FUT9: variants seen among roughly 807,000 people sequenced by gnomAD.
FUT9 encodes 4-galactosyl-N-acetylglucosaminide 3-alpha-L-fucosyltransferase 9.
Under a neutral mutation model 29.7 loss-of-function variants are expected in FUT9, and 15 were observed. The ratio of observed to expected loss-of-function variants is 0.51; its 90% CI spans 0.34 to 0.78. FUT9 has a LOEUF of 0.78. Among genes scored for constraint, FUT9 ranks in the 30% least tolerant of loss-of-function variants. The probability of loss-of-function intolerance (pLI) is 0.01; values close to 1 mark genes in which losing one functional copy is unlikely to be tolerated. For synonymous variants in FUT9, 169 were observed against 153.7 expected (o/e 1.10, Z -0.74); for missense variants, 319 against 425.4 (o/e 0.75, Z 2.20).
chr6:96,192,249 G>C (rs1773525329), intron 2 of FUT9, among the ~76,000 whole-genome samples: 1 of 152,162 alleles, frequency 6.6e-6, no homozygotes, highest in Admixed American at 6.6e-5. Flanking sequence ...ATTAGGAAAA[G>C]AGGAAGTCAA....
At chr6:96,126,389 T>C (rs375317943) in intron 2 of FUT9, among the ~76,000 whole-genome samples, 7 of 152,122 alleles carry the variant, frequency 4.6e-5, no homozygotes, top group African/African-American at 1.2e-4. Flanking sequence ...AGTCACACAT[T>C]ACTGCCAGGA....
chr6:96,065,155 T>C (rs1449543450), intron 1 of FUT9, among the ~76,000 whole-genome samples: 4 of 152,144 alleles, frequency 2.6e-5, no homozygotes, highest in Admixed American at 1.3e-4. Flanking sequence ...CTTCTTCCTG[T>C]CTAGGTAGAC....
At chr6:96,095,696 C>A (rs2127955123) in intron 1 of FUT9, among the ~76,000 whole-genome samples, 2 of 152,230 alleles carry the variant, frequency 1.3e-5, no homozygotes, top group Middle Eastern at 6.8e-3. Context: ...CCTGCCCCAG[C>A]CTTTGGCCAG....
intron 2 of FUT9, among the ~76,000 whole-genome samples, chr6:96,122,128 A>T (rs1281982505): frequency 6.6e-6 from 1 of 152,146 alleles, no homozygotes; most frequent in Non-Finnish European, 1.5e-5. Flanking sequence ...TTCTGCTAAC[A>T]TTGCATGAGC....
intron 1 of FUT9, among the ~76,000 whole-genome samples, chr6:96,093,541 A>G (rs1445772124): frequency 6.6e-6 from 1 of 152,158 alleles, no homozygotes; most frequent in East Asian, 1.9e-4. Context: ...ATATGTTAAG[A>G]AATTACATTG....
chr6:96,095,712 C>T (rs954225426), intron 1 of FUT9, among the ~76,000 whole-genome samples: 1 of 152,060 alleles, frequency 6.6e-6, no homozygotes, highest in African/African-American at 2.4e-5. Flanking sequence ...GCCAGTAATT[C>T]CATTGGTGAT....
At chr6:96,196,126 T>G (rs1773620275) in intron 2 of FUT9, among the ~76,000 whole-genome samples, 1 of 152,252 alleles carries the variant, frequency 6.6e-6, no homozygotes, top group Non-Finnish European at 1.5e-5. Flanking sequence ...CGATTGCCAG[T>G]GTGGGAATAG....
intron 2 of FUT9, among the ~76,000 whole-genome samples, 197 bp from the exon 3 acceptor site, chr6:96,202,951 C>T (rs983958521): frequency 1.3e-5 from 2 of 152,134 alleles, no homozygotes; most frequent in African/African-American, 4.8e-5. Context: ...TTTTGGGAAA[C>T]TTCCTTTTGA....
chr6:96,076,086 A>T (rs1001912690), intron 1 of FUT9, among the ~76,000 whole-genome samples: 4 of 152,134 alleles, frequency 2.6e-5, no homozygotes, highest in Non-Finnish European at 5.9e-5. Flanking sequence ...CAGGGCAGTC[A>T]GTTTCTCTGT....
At chr6:96,100,232 CA>C (rs1176802805) in intron 1 of FUT9, among the ~76,000 whole-genome samples, 25 of 550 alleles carry the variant, frequency 0.045, no homozygotes, top group Admixed American at 0.17. Flanking sequence ...CACACACCAA[CA>C]CACACACACA....
intron 1 of FUT9, among the ~76,000 whole-genome samples, chr6:96,069,589 T>C (rs1287100966): frequency 1.3e-5 from 2 of 151,666 alleles, no homozygotes; most frequent in Non-Finnish European, 2.9e-5. Context: ...GATTAGTAAG[T>C]AGCTAAACAG....
At chr6:96,196,230 G>T (rs922180377) in intron 2 of FUT9, among the ~76,000 whole-genome samples, 14 of 152,066 alleles carry the variant, frequency 9.2e-5, no homozygotes, top group Non-Finnish European at 1.5e-5. Flanking sequence ...TAATATAATA[G>T]ATGGATTAAT....
rs572406372 is a variant in FUT9, at chr6:96,152,035, A to G, written c.-9+37908A>G. On this transcript the variant is annotated intron_variant, in intron 2 of 2. Coordinates refer to ENST00000302103, the MANE Select transcript of FUT9 (RefSeq NM_006581.4). ...CTGATGCCAGGGCTTGTAGAAAAAAATTTAGAGATATATTTAGAGCCATTG... is the reference window on the plus strand; with the variant it reads ...CTGATGCCAGGGCTTGTAGAAAAAAGTTTAGAGATATATTTAGAGCCATTG... Among the ~76,000 whole-genome samples, 69 of 152,300 alleles carry G rather than the reference A, an allele frequency of 4.5e-4. 2 individuals carry two copies. The highest frequency in any genetic ancestry group is 7.3e-4 in the Non-Finnish European group (50 of 68,028).
intron 2 of FUT9, among the ~76,000 whole-genome samples, chr6:96,177,167 A>C (rs1332555627): frequency 1.3e-5 from 2 of 152,158 alleles, no homozygotes; most frequent in Admixed American, 1.3e-4. Context: ...TGATATGTTT[A>C]AAAGCATTAA....
At chr6:96,109,369 T>G (rs935062894) in intron 1 of FUT9, among the ~76,000 whole-genome samples, 1 of 152,212 alleles carries the variant, frequency 6.6e-6, no homozygotes, top group Non-Finnish European at 1.5e-5. Context: ...GCACTAACTT[T>G]AATTCAACAG....
At chr6:96,119,185 G>C (rs1275034679) in intron 2 of FUT9, among the ~76,000 whole-genome samples, 1 of 152,164 alleles carries the variant, frequency 6.6e-6, no homozygotes, top group African/African-American at 2.4e-5. Context: ...CTCACTCACT[G>C]ACTCACCCAG....
At chr6:96,175,045 G>A (rs777479089) in intron 2 of FUT9, among the ~76,000 whole-genome samples, 1 of 151,700 alleles carries the variant, frequency 6.6e-6, no homozygotes, top group Non-Finnish European at 1.5e-5. Context: ...TTCCGATCAC[G>A]ATTTTACCTT....
At chr6:96,074,844 A>C (rs1771118106) in intron 1 of FUT9, among the ~76,000 whole-genome samples, 1 of 152,056 alleles carries the variant, frequency 6.6e-6, no homozygotes, top group Non-Finnish European at 1.5e-5. Flanking sequence ...TGGTATGAAC[A>C]CAGCTCACTT....
At chr6:96,048,957 C>T (rs1258211883) in intron 1 of FUT9, among the ~76,000 whole-genome samples, 1 of 152,202 alleles carries the variant, frequency 6.6e-6, no homozygotes, top group Non-Finnish European at 1.5e-5. Flanking sequence ...TTTACTCTCA[C>T]TGTGCTTCAC....
Sources: gnomAD v4.1 joint callset for allele counts (sites outside exome capture counted in the v4.1 genomes callset) on GRCh38, gnomAD v4.1.1 for gene constraint, MANE v1.5 for transcripts, NCBI Gene and HGNC (gene_info 2026-07-23, HGNC 2026-07-21) for gene names.